SNU13: variants seen among roughly 807,000 people sequenced by gnomAD.
SNU13 encodes the protein NHP2-like protein 1.
Under a neutral mutation model 12.4 loss-of-function variants are expected in SNU13, and 2 were observed. That is an observed-to-expected ratio of 0.16 (90% CI 0.07 to 0.51). The LOEUF is 0.51. Ranked by LOEUF, SNU13 falls within the 20% of genes least tolerant of loss-of-function variation. The probability of loss-of-function intolerance (pLI) is 0.96; values close to 1 mark genes in which losing one functional copy is unlikely to be tolerated. For synonymous variants in SNU13, 68 were observed against 66.5 expected, an observed-to-expected ratio of 1.02 and a Z score of -0.11; for missense variants, 66 against 157.8, an observed-to-expected ratio of 0.42 and a Z score of 3.12.
chr22:41,674,661 A>T lies in SNU13; in HGVS notation c.*272T>A. ...TTCTCCTGGCTCTTTCTGCCTTTCA[A>T]CGGTGCCACCACCCTGCTTCTGTCT... On this transcript the variant is annotated 3_prime_UTR_variant, in exon 3 of 3. Coordinates refer to ENST00000401959, the MANE Select transcript of SNU13 (RefSeq NM_001003796.2). 1 of 402,024 alleles carries T rather than the reference A, an allele frequency of 2.5e-6. No homozygotes were observed. The highest frequency in any genetic ancestry group is 2.9e-5 in the South Asian group (1 of 33,940). The allele number at this position is 402,024 out of a possible 1,614,324, so 24.9% of individuals were successfully genotyped here. A position where few individuals can be genotyped will look rare whatever the true frequency, so the allele number is the denominator to read the frequency against.
upstream of SNU13, chr22:41,689,215 T>G (rs2068339994): frequency 6.1e-6 from 3 of 489,480 alleles, no homozygotes; most frequent in African/African-American, 2.1e-5. Flanking sequence ...ATACAAAAAT[T>G]AGCCAGGCGT....
upstream of SNU13, chr22:41,688,930 C>A: frequency 2.1e-6 from 3 of 1,431,014 alleles, no homozygotes; most frequent in Non-Finnish European, 2.8e-6. Context: ...GGTGACGCTA[C>A]GCGAGCGAGT....
intron 2 of SNU13, among the ~76,000 whole-genome samples, chr22:41,677,525 C>T (rs1490845911): frequency 3.3e-5 from 5 of 151,110 alleles, no homozygotes; most frequent in Admixed American, 3.3e-4. Context: ...GACCCTATCT[C>T]AAAAAAAAGT....
chr22:41,688,896 T>C (rs967327649), upstream of SNU13: 13 of 1,482,814 alleles, frequency 8.8e-6, no homozygotes, highest in African/African-American at 1.4e-4. Context: ...GCAGCGGAAA[T>C]GGCCCCGCGC....
chr22:41,682,542 T>A, intron 1 of SNU13: 1 of 1,486,278 alleles, frequency 6.7e-7, no homozygotes, highest in Non-Finnish European at 8.9e-7. Flanking sequence ...CCCTGTCTTC[T>A]ACGTAACTCC....
chr22:41,680,415 A>T (rs1320171019), intron 1 of SNU13, 51 bp from the exon 2 acceptor site: 1 of 1,579,590 alleles, frequency 6.3e-7, no homozygotes, highest in Admixed American at 1.7e-5. Context: ...AAGTTTTCCT[A>T]CCTGAGTCAC....
chr22:41,687,566 C>T (rs991555052), intron 1 of SNU13, among the ~76,000 whole-genome samples: 11 of 152,238 alleles, frequency 7.2e-5, no homozygotes, highest in Middle Eastern at 3.4e-3. Flanking sequence ...TATTTATTTG[C>T]CTTTCAATTT....
At chr22:41,681,204 C>T (rs1246448447) in intron 1 of SNU13, 1 of 152,166 alleles carries the variant, frequency 6.6e-6, no homozygotes, top group Non-Finnish European at 1.5e-5. Context: ...CACCAATATA[C>T]CACCTCTACC....
chr22:41,683,142 A>T (rs951743969), intron 1 of SNU13, among the ~76,000 whole-genome samples: 3 of 152,140 alleles, frequency 2.0e-5, no homozygotes, highest in African/African-American at 7.2e-5. Context: ...TACTACAGGC[A>T]TGCACAACCA....
intron 1 of SNU13, among the ~76,000 whole-genome samples, chr22:41,681,723 C>A (rs547485210): frequency 1.3e-5 from 2 of 152,220 alleles, no homozygotes; most frequent in Admixed American, 6.5e-5. Flanking sequence ...CAAAATAACC[C>A]ATGTAGGGGA....
At chr22:41,682,963 A>C (rs901680182) in intron 1 of SNU13, among the ~76,000 whole-genome samples, 8 of 151,600 alleles carry the variant, frequency 5.3e-5, no homozygotes, top group African/African-American at 1.9e-4. Context: ...TTTCTTTTTA[A>C]TGTCTATAGA....
chr22:41,680,195 G>C lies in SNU13; in HGVS notation c.124+49C>G, dbSNP rs774058208. 5.8e-6 allele frequency: 9 copies of C among 1,564,496 alleles called. No individual in the cohort carries two copies. In the East Asian group the frequency reaches 1.8e-4, roughly 32 times the overall value. ...GAAATCAGATCAGAGGCCCCAGATG[G>C]AAACAGGTGCCTTTAACATTCCCCC... On this transcript the variant is annotated intron_variant, in intron 2 of 2. Transcript: ENST00000401959.
At chr22:41,687,281 T>C (rs1280528447) in intron 1 of SNU13, among the ~76,000 whole-genome samples, 1 of 152,120 alleles carries the variant, frequency 6.6e-6, no homozygotes, top group Non-Finnish European at 1.5e-5. Flanking sequence ...AAAATAGATA[T>C]ACTTAGAAAT....
At chr22:41,682,440 C>G (rs894932424) in intron 1 of SNU13, 112 of 1,610,326 alleles carry the variant, frequency 7.0e-5, no homozygotes, top group Non-Finnish European at 9.0e-5. Flanking sequence ...CCCAGCACCG[C>G]AAGGACACGG....
At position 41,686,672 on chromosome 22, in the gene SNU13, G is replaced by T. The variant is rs575812626; in HGVS notation, c.3+2122C>A. Among the ~76,000 whole-genome samples the T allele has an allele frequency of 2.6e-5, 4 of 151,686 alleles. No individual in the cohort carries two copies. The South Asian group carries it at 8.3e-4, about 32-fold the overall frequency. ...GACACAGTCTTGCTTTGTCACCCAG[G>T]CTGTAGTGCAGTGGCATGATCTCGG... On this transcript the variant is annotated intron_variant, in intron 1 of 2. Transcript: ENST00000401959.
intron 1 of SNU13, 72 bp downstream of exon 1, chr22:41,688,722 C>A: frequency 6.4e-7 from 1 of 1,550,442 alleles, no homozygotes; most frequent in African/African-American, 1.4e-5. Context: ...AAGCCTCCAT[C>A]TAACAGGCTA....
chr22:41,682,267 A>C, intron 1 of SNU13: 2 of 1,399,806 alleles, frequency 1.4e-6, no homozygotes, highest in Non-Finnish European at 2.0e-6. Flanking sequence ...CCGTTTTTTT[A>C]CAGCTTTTCT....
intron 1 of SNU13, chr22:41,687,799 T>C (rs1169946032): frequency 2.0e-5 from 3 of 152,182 alleles, no homozygotes; most frequent in African/African-American, 7.2e-5. Flanking sequence ...TGCACTGTCA[T>C]CCCCATTTTA....
chr22:41,677,876 T>C (rs1385440958), intron 2 of SNU13, among the ~76,000 whole-genome samples: 1 of 152,170 alleles, frequency 6.6e-6, no homozygotes, highest in African/African-American at 2.4e-5. Context: ...TTCAGTTCTC[T>C]GCTCAAACTC....
Sources: allele counts gnomAD v4.1 joint callset (sites outside exome capture counted in the v4.1 genomes callset), GRCh38; gene constraint gnomAD v4.1.1; transcripts MANE v1.5; gene names NCBI Gene and HGNC (gene_info 2026-07-23, HGNC 2026-07-21).